SAXO2: variants seen among roughly 807,000 people sequenced by gnomAD.
The protein encoded by SAXO2 is family with sequence similarity 154, member B.
SAXO2 carries 17 observed loss-of-function variants against 18.7 expected under a neutral mutation model. The observed-to-expected ratio is 0.91, with a 90% confidence interval of 0.62 to 1.36. The LOEUF is 1.36. SAXO2 is among the 40% of genes most tolerant of loss of function. SAXO2 has a pLI of 0.00. For synonymous variants in SAXO2, 163 were observed against 181.2 expected, an observed-to-expected ratio of 0.90 and a Z score of 0.81; for missense variants, 486 against 562.6, an observed-to-expected ratio of 0.86 and a Z score of 1.38.
chr15:82,275,051 A>G (rs907711408), intron 3 of SAXO2, among the ~76,000 whole-genome samples: 6 of 151,822 alleles, frequency 4.0e-5, no homozygotes, highest in African/African-American at 1.4e-4. Context: ...AAGACATCCA[A>G]ATAAGCACAA....
chr15:82,284,088 T>C lies in SAXO2; in HGVS notation c.*1026T>C, dbSNP rs1169474084. On this transcript the variant is annotated 3_prime_UTR_variant, in exon 4 of 4. Transcript: ENST00000682753. ...TGTCTGTTCTCAAAAAGAGTTTGTT[T>C]TGAGCATCAGACTGTATGGTACATT... The C allele has an allele frequency of 1.3e-5, 2 of 152,254 alleles. No individual in the cohort carries two copies. Among genetic ancestry groups the C allele is most frequent in the East Asian group, 1.9e-4 (1 of 5,204 alleles). The allele number at this position is 152,254 out of a possible 1,614,324, so 9.4% of individuals were successfully genotyped here.
At chr15:82,263,367 C>T (rs2075161092) in intron 1 of SAXO2, 1 of 774,928 alleles carries the variant, frequency 1.3e-6, no homozygotes, top group Non-Finnish European at 2.2e-6. Flanking sequence ...AGCTTTCTGT[C>T]CTCCCAGCCA....
In SAXO2 at chr15:82,271,766, A is replaced by T. The variant is rs754182946; in HGVS notation, c.397A>T (p.Lys133Ter). 2 of 1,613,902 alleles carry T rather than the reference A, an allele frequency of 1.2e-6. No individual in the cohort carries two copies. Among genetic ancestry groups the T allele is most frequent in the Non-Finnish European group, 1.7e-6 (2 of 1,179,950 alleles). ...AIVRPLERQV[K>*]KGKLDTVPTY... ...AGTCCGGCCTTTGGAGAGACAAGTT[A>T]AAAAAGGAAAATTGGACACTGTCCC... The change falls in exon 3 of 4, where the codon AAA becomes TAA. Residue 133 changes from lysine (K) to a stop codon, truncating the protein, a stop_gained. Transcript: ENST00000682753. LOFTEE classifies it low-confidence loss of function (END_TRUNC).
At chr15:82,275,280 C>A (rs377710565) in intron 3 of SAXO2, among the ~76,000 whole-genome samples, 1,669 of 42,966 alleles carry the variant, frequency 0.039, 53 homozygotes, top group African/African-American at 0.12. Flanking sequence ...AACCTATCAA[C>A]CAAAAAAAAA....
chr15:82,283,676 T>A lies in SAXO2; in HGVS notation c.*614T>A, dbSNP rs1480279604. 6.6e-6 allele frequency: 1 copy of A among 152,238 alleles called. No individual in the cohort carries two copies. The highest frequency in any genetic ancestry group is 2.4e-5 in the African/African-American group (1 of 41,442). 9.4% of individuals were successfully genotyped at this position (152,238 alleles called of 1,614,324 possible). ...TTCAAGTTCTGACTAATAATTATTA[T>A]TATTTTTAGAGACAGGGTCTCACTG... On this transcript the variant is annotated 3_prime_UTR_variant, in exon 4 of 4. Coordinates refer to ENST00000682753, the MANE Select transcript of SAXO2 (RefSeq NM_001348699.2).
chr15:82,282,845 A>G lies in SAXO2; in HGVS notation c.1160A>G (p.Glu387Gly), dbSNP rs145387646. Residue 387 changes from glutamate (E) to glycine (G), a missense_variant, in exon 4 of 4, where the codon GAA becomes GGA. Transcript: ENST00000682753. ...STFRSHYVPH[E>G]LIPTESCKPL... ...TTCAGATCTCACTATGTGCCACATG[A>G]ATTGATCCCAACAGAGAGTTGCAAA... 3.8e-5 allele frequency: 61 copies of G among 1,613,750 alleles called. No individual in the cohort carries two copies. Among genetic ancestry groups the G allele is most frequent in the Non-Finnish European group, 4.7e-5 (56 of 1,179,854 alleles).
chr15:82,263,721 G>T (rs1469593348), intron 1 of SAXO2, among the ~76,000 whole-genome samples: 2 of 151,886 alleles, frequency 1.3e-5, no homozygotes, highest in African/African-American at 2.4e-5. Context: ...ATTAACTTTG[G>T]GTGTATGAAT....
chr15:82,276,440 C>G (rs545878707), intron 3 of SAXO2, among the ~76,000 whole-genome samples: 76 of 152,198 alleles, frequency 5.0e-4, no homozygotes, highest in African/African-American at 1.8e-3. Flanking sequence ...GGCATTACAT[C>G]TCCTGACTTC....
At position 82,282,487 on chromosome 15, in the gene SAXO2, C is replaced by A. The variant is rs369179306; in HGVS notation, c.802C>A (p.Gln268Lys). 9 of 1,614,132 alleles carry A rather than the reference C, an allele frequency of 5.6e-6. No individual in the cohort carries two copies. Among genetic ancestry groups the A allele is most frequent in the African/African-American group, 2.7e-5 (2 of 75,028 alleles). The change falls in exon 4 of 4, where the codon CAG becomes AAG. Residue 268 changes from glutamine to lysine, a missense_variant. Transcript: ENST00000682753. ...LCRPVHTRVT[Q>K]NALFEGSTEF... is the part of the protein sequence containing the mutation. ...CAGACCTGTACACACCAGAGTGACC[C>A]AGAATGCTCTGTTTGAAGGAAGCAC...
chr15:82,265,866 T>C, intron 2 of SAXO2, 118 bp downstream of exon 2: 2 of 602,108 alleles, frequency 3.3e-6, no homozygotes, highest in Non-Finnish European at 4.9e-6. Flanking sequence ...ACCAATCTAA[T>C]AGTCAAGAGA....
rs372434967 is a variant in SAXO2, at chr15:82,262,856, T to C, written c.-24T>C. Reference sequence around the variant, plus strand: ...GCTGTGGGAGTGGAGAAGCTGCAAGTGCTGAGGCGCGGTGGAGGAAAGCAT... The same window carrying C: ...GCTGTGGGAGTGGAGAAGCTGCAAGCGCTGAGGCGCGGTGGAGGAAAGCAT... On this transcript the variant is annotated 5_prime_UTR_variant, in exon 1 of 4. Coordinates refer to ENST00000682753, the MANE Select transcript of SAXO2 (RefSeq NM_001348699.2). 3.6e-5 allele frequency: 56 copies of C among 1,574,270 alleles called. No homozygotes were observed. The highest frequency in any genetic ancestry group is 1.8e-4 in the African/African-American group (13 of 73,918).
At chr15:82,269,788 C>G (rs2075253984) in intron 2 of SAXO2, among the ~76,000 whole-genome samples, 1 of 152,128 alleles carries the variant, frequency 6.6e-6, no homozygotes, top group Non-Finnish European at 1.5e-5. Flanking sequence ...GTTGCAAAAA[C>G]TTTGCATATT....
At chr15:82,281,313 G>A (rs2075360026) in intron 3 of SAXO2, among the ~76,000 whole-genome samples, 1 of 152,156 alleles carries the variant, frequency 6.6e-6, no homozygotes, top group African/African-American at 2.4e-5. Context: ...ACACCAGAGT[G>A]ACCCAAAATG....
intron 3 of SAXO2, among the ~76,000 whole-genome samples, chr15:82,277,615 A>G (rs1462650619): frequency 6.6e-6 from 1 of 152,204 alleles, no homozygotes; most frequent in Non-Finnish European, 1.5e-5. Context: ...AAAAAGCCAG[A>G]TAATCTACAA....
At chr15:82,279,590 A>G (rs1438478923) in intron 3 of SAXO2, among the ~76,000 whole-genome samples, 1 of 152,184 alleles carries the variant, frequency 6.6e-6, no homozygotes, top group African/African-American at 2.4e-5. Flanking sequence ...GTAGGGATTC[A>G]AGTTTGGGAG....
At chr15:82,267,809 G>A (rs1342122963) in intron 2 of SAXO2, among the ~76,000 whole-genome samples, 2 of 152,274 alleles carry the variant, frequency 1.3e-5, no homozygotes, top group Admixed American at 1.3e-4. Context: ...TTGGTATGCA[G>A]TAGTGCCATC....
In SAXO2 at chr15:82,271,693, T is replaced by C. The variant is rs780398080; in HGVS notation, c.324T>C (p.Thr108=). The part of the protein sequence containing the change: ...KPKQGKIDLG[T]TYKRDLNSYK... ...AACAAGGGAAGATTGATCTTGGTAC[T>C]ACCTACAAACGGGATTTGAATTCGT... The change falls in exon 3 of 4, where the codon ACT becomes ACC. Residue 108 remains threonine, a synonymous_variant. Coordinates refer to ENST00000682753, the MANE Select transcript of SAXO2 (RefSeq NM_001348699.2). The C allele has an allele frequency of 5.0e-6, 8 of 1,613,952 alleles. No individual in the cohort carries two copies. The African/African-American group carries it at 9.3e-5, about 19-fold the overall frequency.
Position 82,282,455 on chromosome 15 carries a change from A to C in SAXO2, c.770A>C (p.Lys257Thr). ...DFQGLIGETAKLCRPVHTRVT... is the reference protein window; with the variant it reads ...DFQGLIGETATLCRPVHTRVT... ...CAGGGTCTCATTGGTGAAACTGCAA[A>C]ACTCTGCAGACCTGTACACACCAGA... Residue 257 changes from lysine to threonine, a missense_variant, in exon 4 of 4, where the codon AAA (lysine) becomes ACA (threonine). By Grantham distance (78) the Lys-to-Thr change is moderately conservative. Coordinates refer to ENST00000682753, the MANE Select transcript of SAXO2 (RefSeq NM_001348699.2). 6.2e-7 allele frequency: 1 copy of C among 1,614,110 alleles called. No homozygotes were observed. Among genetic ancestry groups the C allele is most frequent in the Non-Finnish European group, 8.5e-7 (1 of 1,180,018 alleles).
chr15:82,282,788 A>T lies in SAXO2; in HGVS notation c.1103A>T (p.Asn368Ile), dbSNP rs201940575. The T allele has an allele frequency of 5.6e-5, 90 of 1,614,064 alleles. 1 individual carries two copies. In the Admixed American group the frequency reaches 1.4e-3, roughly 25 times the overall value. ...ATTAAGAAGCAGCAGCAGATTCCCAACCCATCTGGAAAATTTGATGGTTTG... is the reference window on the plus strand; with the variant it reads ...ATTAAGAAGCAGCAGCAGATTCCCATCCCATCTGGAAAATTTGATGGTTTG... ...GLIKKQQQIPNPSGKFDGLST... is the reference protein window; with the variant it reads ...GLIKKQQQIPIPSGKFDGLST... The change falls in exon 4 of 4, where the codon AAC becomes ATC. Residue 368 changes from asparagine (N) to isoleucine (I), a missense_variant. Physicochemically the swap from Asn to Ile is moderately radical, Grantham distance 149. Transcript: ENST00000682753.
Sources: allele counts gnomAD v4.1 joint callset (sites outside exome capture counted in the v4.1 genomes callset), GRCh38; gene constraint gnomAD v4.1.1; transcripts MANE v1.5; gene names NCBI Gene and HGNC (gene_info 2026-07-23, HGNC 2026-07-21).